Variants in SELENOI observed in about 807,000 individuals in gnomAD.
SELENOI encodes the protein selenoprotein I.
A neutral mutation model predicts 50.7 loss-of-function variants in SELENOI; 24 were observed. That is an observed-to-expected ratio of 0.47 (90% CI 0.34 to 0.67). SELENOI has a LOEUF of 0.67. Among genes scored for constraint, SELENOI ranks in the 30% least tolerant of loss-of-function variants. SELENOI has a pLI of 0.01. For synonymous variants in SELENOI, 155 were observed against 170.2 expected, an observed-to-expected ratio of 0.91 and a Z score of 0.70; for missense variants, 352 against 461.4, an observed-to-expected ratio of 0.76 and a Z score of 2.17.
intron 1 of SELENOI, among the ~76,000 whole-genome samples, chr2:26,347,249 T>TG (rs1446957747): frequency 1.1e-4 from 16 of 152,208 alleles, no homozygotes; most frequent in Non-Finnish European, 2.2e-4. Flanking sequence ...ATGTGCGCTC[T>TG]GTTCGTTTAT....
chr2:26,373,539 G>A lies in SELENOI; in HGVS notation c.483G>A (p.Trp161Ter). Residue 161 changes from tryptophan (W) to a stop codon, truncating the protein, a stop_gained, in exon 5 of 10, where the codon TGG becomes TGA. Coordinates refer to ENST00000260585, the MANE Select transcript of SELENOI (RefSeq NM_033505.4). LOFTEE classifies it high-confidence loss of function. ...TTTTTGTTCTTTATCTCCTGCTATG[G>A]GTAGTTTTGTTTTCTTTCATCCTGT... is the stretch of plus-strand genomic sequence containing the variant. ...VSVFVLYLLL[W>*]VVLFSFILSH... The A allele has an allele frequency of 6.2e-7, 1 of 1,613,870 alleles. No individual in the cohort carries two copies. Among genetic ancestry groups the A allele is most frequent in the Non-Finnish European group, 8.5e-7 (1 of 1,179,842 alleles).
intron 1 of SELENOI, among the ~76,000 whole-genome samples, chr2:26,354,928 T>C (rs904573384): frequency 6.6e-6 from 1 of 152,216 alleles, no homozygotes; most frequent in African/African-American, 2.4e-5. Context: ...CTATTTGAGA[T>C]AAAAGGCTTT....
intron 7 of SELENOI, among the ~76,000 whole-genome samples, chr2:26,384,390 G>A (rs1242802283): frequency 1.3e-5 from 2 of 152,146 alleles, no homozygotes; most frequent in Non-Finnish European, 2.9e-5. Flanking sequence ...GCCCGAGGTC[G>A]TGTGATCAAT....
intron 4 of SELENOI, among the ~76,000 whole-genome samples, chr2:26,371,143 C>T (rs1677429658): frequency 6.7e-6 from 1 of 149,516 alleles, no homozygotes; most frequent in African/African-American, 2.5e-5. Context: ...GGCGGCTGGG[C>T]TGGCGGGGGG....
intron 4 of SELENOI, among the ~76,000 whole-genome samples, chr2:26,372,397 C>T (rs1677476787): frequency 6.6e-6 from 1 of 152,232 alleles, no homozygotes; most frequent in Non-Finnish European, 1.5e-5. Flanking sequence ...AGGCGTGAGC[C>T]ACCACACCCG....
chr2:26,370,770 G>A (rs1189356016), intron 4 of SELENOI, among the ~76,000 whole-genome samples: 1 of 144,644 alleles, frequency 6.9e-6, no homozygotes, highest in Non-Finnish European at 1.5e-5. Context: ...CCCGGACGGG[G>A]CGGCTGGCCG....
chr2:26,350,855 A>G (rs1322133834), intron 1 of SELENOI, among the ~76,000 whole-genome samples: 3 of 152,110 alleles, frequency 2.0e-5, no homozygotes, highest in African/African-American at 7.2e-5. Context: ...AGAGAGAGAG[A>G]TGCTGCTCCA....
At chr2:26,346,534 T>A in intron 1 of SELENOI, 1 of 430,128 alleles carries the variant, frequency 2.3e-6, no homozygotes, top group Non-Finnish European at 4.1e-6. Context: ...CGCTCAGTGA[T>A]CATGGAGCGA....
At chr2:26,372,358 G>C (rs1449054843) in intron 4 of SELENOI, among the ~76,000 whole-genome samples, 1 of 152,170 alleles carries the variant, frequency 6.6e-6, no homozygotes, top group African/African-American at 2.4e-5. Flanking sequence ...GGATCCTCCT[G>C]CCTTGGCCTC....
At chr2:26,375,489 T>G (rs1677547917) in intron 6 of SELENOI, among the ~76,000 whole-genome samples, 1 of 152,214 alleles carries the variant, frequency 6.6e-6, no homozygotes, top group Non-Finnish European at 1.5e-5. Context: ...AATTACTAGT[T>G]TGTATGAAAT....
intron 3 of SELENOI, among the ~76,000 whole-genome samples, chr2:26,366,538 A>T (rs1487381939): frequency 6.6e-6 from 1 of 152,178 alleles, no homozygotes; most frequent in African/African-American, 2.4e-5. Flanking sequence ...GGAAAATACA[A>T]GATGGGAGAG....
At chr2:26,377,209 T>G (rs1425681908) in intron 6 of SELENOI, among the ~76,000 whole-genome samples, 1 of 152,268 alleles carries the variant, frequency 6.6e-6, no homozygotes, top group Admixed American at 6.5e-5. Flanking sequence ...TTATTAAGTT[T>G]TCTTTAATCT....
At position 26,364,363 on chromosome 2, in the gene SELENOI, T is replaced by C. The variant is rs1677244770; in HGVS notation, c.119T>C (p.Ile40Thr). The C allele has an allele frequency of 1.9e-6, 3 of 1,548,044 alleles. No individual in the cohort carries two copies. The highest frequency in any genetic ancestry group is 1.2e-5 in the South Asian group (1 of 84,294). ...LYVMHPFWNT[I>T]VKVFPTWLAP... ...GTCATGCATCCATTCTGGAACACTA[T>C]AGTAAAGGTAAGATAATTAATATGT... is the stretch of plus-strand genomic sequence containing the variant. Residue 40 changes from isoleucine to threonine, a missense_variant, in exon 2 of 10, where the codon ATA (isoleucine) becomes ACA (threonine). Physicochemically the swap from Ile to Thr is moderately conservative, Grantham distance 89. Coordinates refer to ENST00000260585, the MANE Select transcript of SELENOI (RefSeq NM_033505.4).
rs1197958071 is a variant in SELENOI, at chr2:26,389,108, CT to C, written c.*8del. Reference sequence around the variant, plus strand: ...GAAAAGAATATTGGCCTGTAATAATCTTTCTTTGGGCACAAAGAAGTACTGT... The same window carrying C: ...GAAAAGAATATTGGCCTGTAATAATCTTCTTTGGGCACAAAGAAGTACTGT... On this transcript the variant is annotated 3_prime_UTR_variant, in exon 10 of 10. Transcript: ENST00000260585. 1.3e-6 allele frequency: 2 copies of C among 1,553,420 alleles called. No individual in the cohort carries two copies. Among genetic ancestry groups the C allele is most frequent in the African/African-American group, 2.7e-5 (2 of 73,520 alleles).
chr2:26,367,757 G>A (rs1454079450), intron 4 of SELENOI, among the ~76,000 whole-genome samples: 1 of 152,062 alleles, frequency 6.6e-6, no homozygotes, highest in Non-Finnish European at 1.5e-5. Flanking sequence ...ATTCTTTTTT[G>A]GTACAGGGAG....
In SELENOI at chr2:26,362,736, A is replaced by G. The variant is rs920587601; in HGVS notation, c.58-1566A>G. Reference sequence around the variant, plus strand: ...GCGCCACTGCATTCCCGCCTGGGTGACAGAGCGACTCTGTCTCAAAAAAAA... The same window carrying G: ...GCGCCACTGCATTCCCGCCTGGGTGGCAGAGCGACTCTGTCTCAAAAAAAA... On this transcript the variant is annotated intron_variant, in intron 1 of 9. Transcript: ENST00000260585. 2.0e-5 allele frequency among the ~76,000 whole-genome samples: 3 copies of G among 152,106 alleles called. No homozygotes were observed. In the East Asian group the frequency reaches 5.8e-4, roughly 29 times the overall value.
intron 4 of SELENOI, among the ~76,000 whole-genome samples, chr2:26,367,544 A>G (rs2147951658): frequency 6.6e-6 from 1 of 152,326 alleles, no homozygotes; most frequent in African/African-American, 2.4e-5. Flanking sequence ...TTTTCCTGCT[A>G]TAAAGACACA....
At chr2:26,364,676 T>C (rs1322713777) in intron 2 of SELENOI, among the ~76,000 whole-genome samples, 156 bp from the exon 3 acceptor site, 2 of 152,232 alleles carry the variant, frequency 1.3e-5, no homozygotes, top group African/African-American at 4.8e-5. Context: ...GAAAGAATGC[T>C]GATGGAGATT....
intron 1 of SELENOI, among the ~76,000 whole-genome samples, chr2:26,351,267 A>G (rs985716219): frequency 1.3e-4 from 20 of 152,110 alleles, no homozygotes; most frequent in African/African-American, 4.8e-4. Context: ...CATGTTGGCC[A>G]GGGTGGTCTT....
Sources: allele counts gnomAD v4.1 joint callset (sites outside exome capture counted in the v4.1 genomes callset), GRCh38; gene constraint gnomAD v4.1.1; transcripts MANE v1.5; gene names NCBI Gene and HGNC (gene_info 2026-07-23, HGNC 2026-07-21).